ELAPOR2: variants seen among roughly 807,000 people sequenced by gnomAD.
The protein encoded by ELAPOR2 is endosome/lysosome-associated apoptosis and autophagy regulator family member 2.
A neutral mutation model predicts 120.7 loss-of-function variants in ELAPOR2; 89 were observed. The observed-to-expected ratio is 0.74, with a 90% confidence interval of 0.62 to 0.88. ELAPOR2 has a LOEUF of 0.88. ELAPOR2 is among the 40% of genes least tolerant of loss of function. The pLI, the probability that ELAPOR2 is intolerant of heterozygous loss-of-function variation, is 0.00. For missense variants in ELAPOR2, 1,134 were observed against 1,251.6 expected, an observed-to-expected ratio of 0.91 and a Z score of 1.42; for synonymous variants, 444 against 444.9, an observed-to-expected ratio of 1.00 and a Z score of 0.03.
intron 8 of ELAPOR2, among the ~76,000 whole-genome samples, chr7:86,937,088 A>G (rs2116312368): frequency 6.6e-6 from 1 of 152,210 alleles, no homozygotes; most frequent in East Asian, 1.9e-4. Context: ...ATTTGGCATT[A>G]TGATAGGACT....
At chr7:86,928,752 C>A (rs1279207056) in intron 8 of ELAPOR2, among the ~76,000 whole-genome samples, 1 of 151,868 alleles carries the variant, frequency 6.6e-6, no homozygotes, top group African/African-American at 2.4e-5. Context: ...TCAATACATG[C>A]AAACTTCTTA....
chr7:87,057,277 C>G (rs572360392), intron 1 of ELAPOR2, among the ~76,000 whole-genome samples: 1 of 152,310 alleles, frequency 6.6e-6, no homozygotes, highest in South Asian at 2.1e-4. Flanking sequence ...CCACTTTCCT[C>G]TTAAAAACAA....
chr7:86,998,862 T>TTC (rs1554403103), intron 1 of ELAPOR2, among the ~76,000 whole-genome samples: 2 of 151,890 alleles, frequency 1.3e-5, no homozygotes, highest in African/African-American at 4.8e-5. Flanking sequence ...TTTTTTTTTT[T>TTC]CAAAGAACCT....
chr7:86,914,194 T>C (rs1324627234), intron 13 of ELAPOR2, among the ~76,000 whole-genome samples: 1 of 152,130 alleles, frequency 6.6e-6, no homozygotes, highest in African/African-American at 2.4e-5. Flanking sequence ...GTACAATGGA[T>C]ATACTTAGGG....
chr7:87,057,621 G>A (rs1209789991), intron 1 of ELAPOR2, among the ~76,000 whole-genome samples: 2 of 152,190 alleles, frequency 1.3e-5, no homozygotes, highest in Admixed American at 1.3e-4. Context: ...CTGTGATCAA[G>A]TGAACCCAGC....
intron 18 of ELAPOR2, among the ~76,000 whole-genome samples, chr7:86,905,492 G>A (rs919789624): frequency 6.6e-6 from 1 of 152,124 alleles, no homozygotes; most frequent in African/African-American, 2.4e-5. Context: ...CCCTAAAGTA[G>A]TGGTCAGCAC....
At position 87,039,847 on chromosome 7, in the gene ELAPOR2, C is replaced by T. The variant is rs192805719; in HGVS notation, c.189+19478G>A. Among the ~76,000 whole-genome samples, 377 of 152,288 alleles carry T rather than the reference C, an allele frequency of 2.5e-3. 3 individuals are homozygous for T. The highest frequency in any genetic ancestry group is 5.5e-3 in the Admixed American group (84 of 15,294). On this transcript the variant is annotated intron_variant, in intron 1 of 21. Transcript: ENST00000450689. Reference sequence around the variant, plus strand: ...AGAAGACGGGTGATTTCTGCATTTCCATCTGAGGTACCGGGTTCATCTCAC... The same window carrying T: ...AGAAGACGGGTGATTTCTGCATTTCTATCTGAGGTACCGGGTTCATCTCAC...
chr7:86,913,406 A>C (rs1584342463), intron 13 of ELAPOR2, among the ~76,000 whole-genome samples: 1 of 152,328 alleles, frequency 6.6e-6, no homozygotes, highest in East Asian at 1.9e-4. Context: ...TAATTTCTGC[A>C]ATAATATAGT....
intron 1 of ELAPOR2, among the ~76,000 whole-genome samples, chr7:87,023,684 T>C (rs1260223739): frequency 1.3e-5 from 2 of 152,218 alleles, no homozygotes; most frequent in Non-Finnish European, 2.9e-5. Context: ...ATATTGATTC[T>C]TCCTACCCAT....
intron 1 of ELAPOR2, among the ~76,000 whole-genome samples, chr7:87,025,645 T>C (rs1277571859): frequency 6.6e-6 from 1 of 152,116 alleles, no homozygotes; most frequent in Non-Finnish European, 1.5e-5. Flanking sequence ...ATTAAAAATT[T>C]TTCTTCTGGA....
Position 86,880,334 on chromosome 7 carries a change from C to A in ELAPOR2, c.*137G>T, listed in dbSNP as rs1392321516. 1.0e-5 allele frequency: 7 copies of A among 702,844 alleles called. No individual in the cohort carries two copies. Among genetic ancestry groups the A allele is most frequent in the Non-Finnish European group, 1.8e-5 (7 of 396,170 alleles). The allele number at this position is 702,844 out of a possible 1,614,324, so 43.5% of individuals were successfully genotyped here. On this transcript the variant is annotated 3_prime_UTR_variant, in exon 22 of 22. Transcript: ENST00000450689. Reference sequence around the variant, plus strand: ...TAAGGCAATCAAATGTTTCAATCTCCTTCCCTTTTCAGCGGCATGGCCCTC... The same window carrying A: ...TAAGGCAATCAAATGTTTCAATCTCATTCCCTTTTCAGCGGCATGGCCCTC...
At chr7:87,055,170 A>G (rs1795224049) in intron 1 of ELAPOR2, among the ~76,000 whole-genome samples, 1 of 152,068 alleles carries the variant, frequency 6.6e-6, no homozygotes, top group Non-Finnish European at 1.5e-5. Context: ...CTAACTGCCT[A>G]CTCAACAGCT....
At chr7:86,908,724 A>C (rs941904335) in intron 16 of ELAPOR2, among the ~76,000 whole-genome samples, 181 bp from the exon 17 acceptor site, 6 of 152,140 alleles carry the variant, frequency 3.9e-5, no homozygotes, top group Admixed American at 3.3e-4. Flanking sequence ...CCAGAATGAA[A>C]GAGAAAAGAT....
At chr7:86,891,639 C>G in intron 21 of ELAPOR2, 85 bp downstream of exon 21, 1 of 1,118,750 alleles carries the variant, frequency 8.9e-7, no homozygotes, top group South Asian at 1.8e-5. Context: ...TGCAAAATAA[C>G]AGCTTGCGTG....
intron 18 of ELAPOR2, 61 bp from the exon 19 acceptor site, chr7:86,897,693 C>T (rs1292416166): frequency 1.3e-6 from 2 of 1,583,284 alleles, no homozygotes; most frequent in Non-Finnish European, 1.7e-6. Flanking sequence ...ATTCAATCCA[C>T]TCTAATCAAC....
chr7:87,045,995 G>T (rs979306839), intron 1 of ELAPOR2, among the ~76,000 whole-genome samples: 1 of 151,830 alleles, frequency 6.6e-6, no homozygotes, highest in African/African-American at 2.4e-5. Flanking sequence ...CATCCAAATT[G>T]GAATAGAAGA....
chr7:87,016,712 T>A (rs1793879026), intron 1 of ELAPOR2, among the ~76,000 whole-genome samples: 1 of 150,608 alleles, frequency 6.6e-6, no homozygotes, highest in African/African-American at 2.4e-5. Flanking sequence ...AATGAACCAA[T>A]CTTCTCTCTA....
Position 86,940,212 on chromosome 7 carries a change from CCATT to C in ELAPOR2, c.742-101_742-98del, listed in dbSNP as rs1019619910. On this transcript the variant is annotated intron_variant, in intron 5 of 21. Transcript: ENST00000450689. ...CTTTTTCAATCCATATAATAAAACA[CCATT>C]AATTTAAAACCCACAGATTTAAGTC... is the stretch of plus-strand genomic sequence containing the variant. 8.5e-5 allele frequency: 51 copies of C among 598,650 alleles called. No individual in the cohort carries two copies. In the African/African-American group the frequency reaches 9.3e-4, roughly 11 times the overall value. 37.1% of individuals were successfully genotyped at this position (598,650 alleles called of 1,614,324 possible).
intron 4 of ELAPOR2, among the ~76,000 whole-genome samples, chr7:86,942,955 C>T (rs150815304): frequency 1.3e-5 from 2 of 152,112 alleles, no homozygotes; most frequent in Admixed American, 1.3e-4. Flanking sequence ...TTAAAATGTT[C>T]TCCTTAAGAG....
Sources: allele counts gnomAD v4.1 joint callset (sites outside exome capture counted in the v4.1 genomes callset), GRCh38; gene constraint gnomAD v4.1.1; transcripts MANE v1.5; gene names NCBI Gene and HGNC (gene_info 2026-07-23, HGNC 2026-07-21).